The following NBR1 variants were observed in gnomAD, a reference collection of about 807,000 sequenced individuals.
The protein encoded by NBR1 is next to BRCA1 gene 1 protein.
Under a neutral mutation model 115.5 loss-of-function variants are expected in NBR1, and 59 were observed. That is an observed-to-expected ratio of 0.51 (90% CI 0.41 to 0.63). The LOEUF (loss-of-function observed/expected upper bound fraction) is 0.63, where lower values mean the gene tolerates loss of function less well. Among genes scored for constraint, NBR1 ranks in the 30% least tolerant of loss-of-function variants. The pLI is 0.00. For synonymous variants in NBR1, 373 were observed against 414.7 expected (o/e 0.90, Z 1.22); for missense variants, 1,043 against 1,150.5 (o/e 0.91, Z 1.35).
chr17:43,190,546 T>C (rs1317400952), intron 8 of NBR1, 63 bp from the exon 9 acceptor site: 1 of 1,525,372 alleles, frequency 6.6e-7, no homozygotes, highest in South Asian at 1.2e-5. Flanking sequence ...TATGGTCTTA[T>C]ATCTCCCTAC....
intron 1 of NBR1, among the ~76,000 whole-genome samples, chr17:43,175,270 C>T (rs1052488119): frequency 4.6e-4 from 70 of 152,146 alleles, no homozygotes; most frequent in African/African-American, 1.5e-3. Context: ...TAGGACAACC[C>T]TCCTTCTGCA....
Position 43,200,596 on chromosome 17 carries a change from C to T in NBR1, c.2456C>T (p.Pro819Leu), listed in dbSNP as rs756356745. 5 of 1,602,754 alleles carry T rather than the reference C, an allele frequency of 3.1e-6. No homozygotes were observed. Among genetic ancestry groups the T allele is most frequent in the Admixed American group, 3.4e-5 (2 of 59,642 alleles). The change falls in exon 17 of 21, where the codon CCG (proline) becomes CTG (leucine). Residue 819 changes from proline to leucine, a missense_variant. Transcript: ENST00000590996. ...PLIPEVVELP[P>L]SLPRSSPCVH... ...ATCCCAGAGGTAGTGGAGCTTCCACCGTCACTGCCCAGGTACCACTCACAG... is the reference window on the plus strand; with the variant it reads ...ATCCCAGAGGTAGTGGAGCTTCCACTGTCACTGCCCAGGTACCACTCACAG...
chr17:43,208,335 T>TG (rs2057355231), intron 20 of NBR1, among the ~76,000 whole-genome samples: 1 of 151,954 alleles, frequency 6.6e-6, no homozygotes, highest in Admixed American at 6.6e-5. Context: ...ATTTCTGAAG[T>TG]GGTGAGAGGT....
At position 43,202,481 on chromosome 17, in the gene NBR1, C is replaced by T. The variant is rs1243725818; in HGVS notation, c.2564-174C>T. On this transcript the variant is annotated intron_variant, in intron 18 of 20. Transcript: ENST00000590996. ...CTTGCATTGCATTTCTGGACAGTTTCTCCTTATCACTTAAACTACCCTTAA... is the reference window on the plus strand; with the variant it reads ...CTTGCATTGCATTTCTGGACAGTTTTTCCTTATCACTTAAACTACCCTTAA... Among the ~76,000 whole-genome samples the T allele has an allele frequency of 2.0e-5, 3 of 151,214 alleles. No homozygotes were observed. In the South Asian group the frequency reaches 6.3e-4, roughly 32 times the overall value.
At position 43,200,867 on chromosome 17, in the gene NBR1, GT is replaced by G. The variant is rs556106085; in HGVS notation, c.2468+278del. ...ATTTTGATTATTGAGAGCTGGTTGT[GT>G]TTTTTTTTTTTTTTTTTTGAGACAG... On this transcript the variant is annotated intron_variant, in intron 17 of 20. Transcript: ENST00000590996. 4.1e-3 allele frequency among the ~76,000 whole-genome samples: 510 copies of G among 123,636 alleles called. 1 individual carries two copies. Among genetic ancestry groups the G allele is most frequent in the South Asian group, 0.01 (39 of 3,896 alleles). 81.1% of individuals were successfully genotyped at this position (123,636 alleles called of 152,430 possible).
Position 43,194,952 on chromosome 17 carries a change from CT to C in NBR1, c.1675-5del. On this transcript the variant is annotated splice_polypyrimidine_tract_variant and intron_variant, in intron 13 of 20. Coordinates refer to ENST00000590996, the MANE Select transcript of NBR1 (RefSeq NM_005899.5). Reference sequence around the variant, plus strand: ...TGCACTCCAAACAGCCTAACATTGTCTTTTTTTATAGGACCTGCTGTCCTTT... The same window carrying C: ...TGCACTCCAAACAGCCTAACATTGTCTTTTTTATAGGACCTGCTGTCCTTT... 6.2e-7 allele frequency: 1 copy of C among 1,611,866 alleles called. No homozygotes were observed. The highest frequency in any genetic ancestry group is 8.5e-7 in the Non-Finnish European group (1 of 1,178,472).
intron 10 of NBR1, among the ~76,000 whole-genome samples, 191 bp downstream of exon 10, chr17:43,191,772 A>T (rs1370102549): frequency 6.6e-6 from 1 of 152,230 alleles, no homozygotes; most frequent in Non-Finnish European, 1.5e-5. Context: ...CCCAGGCGGT[A>T]GTGCAGTGGT....
chr17:43,176,089 C>A, intron 2 of NBR1, 188 bp downstream of exon 2: 1 of 444,548 alleles, frequency 2.2e-6, no homozygotes, highest in East Asian at 3.5e-5. Context: ...TAAAGGGAAC[C>A]AACACATAAA....
intron 5 of NBR1, among the ~76,000 whole-genome samples, chr17:43,185,958 G>A (rs2056790345): frequency 6.6e-6 from 1 of 151,840 alleles, no homozygotes; most frequent in African/African-American, 2.4e-5. Context: ...CCAAGACCGT[G>A]CCATTGCACT....
At chr17:43,179,873 G>C (rs2056619163) in intron 4 of NBR1, among the ~76,000 whole-genome samples, 2 of 142,228 alleles carry the variant, frequency 1.4e-5, no homozygotes, top group Non-Finnish European at 3.1e-5. Context: ...AATTTAATCA[G>C]GTGAAATGAT....
chr17:43,182,535 C>G (rs1206270214), intron 5 of NBR1, among the ~76,000 whole-genome samples: 1 of 151,254 alleles, frequency 6.6e-6, no homozygotes, highest in African/African-American at 2.4e-5. Flanking sequence ...TCACTCTGTT[C>G]TCTATAGCCC....
At chr17:43,198,439 G>A (rs1428950644) in intron 16 of NBR1, among the ~76,000 whole-genome samples, 14 of 152,044 alleles carry the variant, frequency 9.2e-5, no homozygotes, top group Admixed American at 9.2e-4. Context: ...CAGATCACAA[G>A]CTCAGGAGTT....
chr17:43,201,563 A>G, intron 17 of NBR1, 123 bp from the exon 18 acceptor site: 4 of 652,458 alleles, frequency 6.1e-6, no homozygotes, highest in Non-Finnish European at 5.5e-6. Flanking sequence ...CAGACATGTG[A>G]TCTGGATCAG....
intron 20 of NBR1, chr17:43,209,442 G>T: frequency 1.3e-6 from 1 of 797,372 alleles, no homozygotes; most frequent in Non-Finnish European, 2.0e-6. Flanking sequence ...TTCCCAAGCT[G>T]TTTTTTTTGT....
intron 1 of NBR1, among the ~76,000 whole-genome samples, chr17:43,174,192 C>T (rs1234590678): frequency 6.6e-6 from 1 of 151,938 alleles, no homozygotes; most frequent in Non-Finnish European, 1.5e-5. Flanking sequence ...CCTTTGGTTA[C>T]AGCAAATTGG....
At chr17:43,197,552 G>A (rs1367237508) in intron 16 of NBR1, among the ~76,000 whole-genome samples, 1 of 151,858 alleles carries the variant, frequency 6.6e-6, no homozygotes, top group Admixed American at 6.6e-5. Flanking sequence ...TCTTGTTTGT[G>A]TCTTTAGACT....
At chr17:43,202,746 C>G in intron 19 of NBR1, 34 bp downstream of exon 19, 1 of 1,513,858 alleles carries the variant, frequency 6.6e-7, no homozygotes, top group Non-Finnish European at 9.0e-7. Context: ...TTTTCAGAAG[C>G]AGGTGGATAT....
chr17:43,201,702 C>A lies in NBR1; in HGVS notation c.2485C>A (p.His829Asn). ...PSLPRSSPCV[H>N]HHGSPGVDLP... Reference sequence around the variant, plus strand: ...TTCTGAAAGGAGCTCTCCTTGTGTACATCATCATGGTTCCCCAGGAGTGGA... The same window carrying A: ...TTCTGAAAGGAGCTCTCCTTGTGTAAATCATCATGGTTCCCCAGGAGTGGA... Residue 829 changes from histidine to asparagine, a missense_variant, in exon 18 of 21, where the codon CAT (histidine) becomes AAT (asparagine). Transcript: ENST00000590996. The A allele has an allele frequency of 6.2e-7, 1 of 1,604,242 alleles. No individual in the cohort carries two copies. Among genetic ancestry groups the A allele is most frequent in the East Asian group, 2.2e-5 (1 of 44,838 alleles).
At chr17:43,204,963 G>A (rs549688400) in intron 20 of NBR1, among the ~76,000 whole-genome samples, 8 of 152,150 alleles carry the variant, frequency 5.3e-5, no homozygotes, top group East Asian at 1.9e-4. Context: ...GTGACTGAGC[G>A]AGACCCTGTC....
Sources: gnomAD v4.1 joint callset for allele counts (sites outside exome capture counted in the v4.1 genomes callset) on GRCh38, gnomAD v4.1.1 for gene constraint, MANE v1.5 for transcripts, NCBI Gene and HGNC (gene_info 2026-07-23, HGNC 2026-07-21) for gene names.